The following TRHR variants were observed in gnomAD, a reference collection of about 807,000 sequenced individuals.
The protein encoded by TRHR is thyrotropin releasing hormone receptor.
In TRHR, 14 loss-of-function variants were observed where a neutral mutation model predicts 28.0. The observed-to-expected ratio is 0.50, with a 90% CI of 0.33 to 0.78. The LOEUF is 0.78. Among genes scored for constraint, TRHR ranks in the 30% least tolerant of loss-of-function variants. TRHR has a pLI of 0.02. For synonymous variants in TRHR, 176 were observed against 171.9 expected (o/e 1.02, Z -0.18); for missense variants, 438 against 469.5 (o/e 0.93, Z 0.62).
intron 2 of TRHR, among the ~76,000 whole-genome samples, chr8:109,111,811 A>T (rs1235743948): frequency 2.0e-5 from 3 of 152,194 alleles, no homozygotes; most frequent in Admixed American, 2.0e-4. Context: ...AATGAAGCCA[A>T]AAAAGGGTTT....
At chr8:109,094,682 T>C (rs7007111) in intron 2 of TRHR, among the ~76,000 whole-genome samples, 1 of 151,866 alleles carries the variant, frequency 6.6e-6, no homozygotes, top group Non-Finnish European at 1.5e-5. Flanking sequence ...AAGTACACAT[T>C]GTTTATTCCT....
intron 2 of TRHR, among the ~76,000 whole-genome samples, chr8:109,100,721 T>A (rs1254392617): frequency 6.6e-6 from 1 of 152,128 alleles, no homozygotes; most frequent in Non-Finnish European, 1.5e-5. Flanking sequence ...ACAAATGTTA[T>A]CATAGTAAAA....
At chr8:109,111,749 A>G (rs115668115) in intron 2 of TRHR, among the ~76,000 whole-genome samples, 1,535 of 152,206 alleles carry the variant, frequency 0.01, 26 homozygotes, top group African/African-American at 0.035. Context: ...ACTTCTCCCA[A>G]CCTTTTGTGC....
chr8:109,101,708 G>C (rs1469887204), intron 2 of TRHR, among the ~76,000 whole-genome samples: 1 of 152,096 alleles, frequency 6.6e-6, no homozygotes, highest in Non-Finnish European at 1.5e-5. Context: ...TGTTGTACTT[G>C]AAGCGTCTAT....
Position 109,087,590 on chromosome 8 carries a change from G to A in TRHR, c.78G>A (p.Val26=), listed in dbSNP as rs1436891272. The A allele has an allele frequency of 6.2e-7, 1 of 1,614,056 alleles. No homozygotes were observed. Among genetic ancestry groups the A allele is most frequent in the Middle Eastern group, 1.6e-4 (1 of 6,084 alleles). The change falls in exon 2 of 3, where the codon GTG becomes GTA. Residue 26 remains valine (V), a synonymous_variant. Coordinates refer to ENST00000518632, the MANE Select transcript of TRHR (RefSeq NM_003301.7). The part of the protein sequence containing the change: ...PRAVVALEYQ[V]VTILLVLIIC... Reference sequence around the variant, plus strand: ...CAGTGGTGGCCTTAGAATACCAGGTGGTCACCATCTTACTTGTACTCATTA... The same window carrying A: ...CAGTGGTGGCCTTAGAATACCAGGTAGTCACCATCTTACTTGTACTCATTA...
chr8:109,105,143 T>C (rs1405455200), intron 2 of TRHR, among the ~76,000 whole-genome samples: 1 of 152,150 alleles, frequency 6.6e-6, no homozygotes, highest in African/African-American at 2.4e-5. Context: ...CTCATTTGTA[T>C]CTATGACATA....
intron 2 of TRHR, among the ~76,000 whole-genome samples, chr8:109,111,659 C>T (rs951120259): frequency 2.6e-5 from 4 of 152,150 alleles, no homozygotes; most frequent in African/African-American, 7.2e-5. Flanking sequence ...TATATTTTAA[C>T]ATTTGTGAAA....
rs5785 is a variant in TRHR at position 109,121,316 on chromosome 8, G to A, written c.*1861G>A. ...CCCCAAATCACACAAGCACATGTGT[G>A]TTTATAAACACATACCCACATGTTC... On this transcript the variant is annotated 3_prime_UTR_variant, in exon 3 of 3. Coordinates refer to ENST00000518632, the MANE Select transcript of TRHR (RefSeq NM_003301.7). 3.2e-3 allele frequency among the ~76,000 whole-genome samples: 482 copies of A among 151,640 alleles called. 3 individuals are homozygous for A. The highest frequency in any genetic ancestry group is 0.011 in the African/African-American group (447 of 41,412).
chr8:109,111,830 T>C (rs893361056), intron 2 of TRHR, among the ~76,000 whole-genome samples: 1 of 152,198 alleles, frequency 6.6e-6, no homozygotes, highest in South Asian at 2.1e-4. Context: ...TTTGGCATTA[T>C]ACAAAGTGGG....
chr8:109,112,948 A>G (rs1304549817), intron 2 of TRHR, among the ~76,000 whole-genome samples: 2 of 152,108 alleles, frequency 1.3e-5, no homozygotes, highest in African/African-American at 2.4e-5. Flanking sequence ...CAATTACAAT[A>G]AAAGAACTTT....
chr8:109,110,884 G>A (rs981776800), intron 2 of TRHR, among the ~76,000 whole-genome samples: 6 of 152,220 alleles, frequency 3.9e-5, no homozygotes, highest in African/African-American at 1.4e-4. Flanking sequence ...AGTTGGGTGC[G>A]GTGGCTCACG....
intron 2 of TRHR, among the ~76,000 whole-genome samples, chr8:109,107,150 T>A (rs1811762862): frequency 6.6e-6 from 1 of 152,094 alleles, no homozygotes; most frequent in African/African-American, 2.4e-5. Flanking sequence ...TTCAATAAAG[T>A]CCCCGGTTCT....
intron 2 of TRHR, among the ~76,000 whole-genome samples, chr8:109,104,676 C>T (rs117009139): frequency 0.012 from 1,771 of 152,170 alleles, 16 homozygotes; most frequent in Middle Eastern, 0.031. Flanking sequence ...CATCCCAAGA[C>T]AAATTCTAAA....
intron 2 of TRHR, among the ~76,000 whole-genome samples, chr8:109,093,525 C>A (rs1811545313): frequency 6.7e-6 from 1 of 150,234 alleles, no homozygotes. Flanking sequence ...CCTGCCTCAG[C>A]CTCCCGAGTA....
At chr8:109,088,763 T>G (rs1811480193) in intron 2 of TRHR, among the ~76,000 whole-genome samples, 1 of 152,250 alleles carries the variant, frequency 6.6e-6, no homozygotes, top group African/African-American at 2.4e-5. Flanking sequence ...TTTGCCATTC[T>G]ATGGTTACTC....
At chr8:109,116,945 G>A (rs748053094) in intron 2 of TRHR, among the ~76,000 whole-genome samples, 12 of 151,994 alleles carry the variant, frequency 7.9e-5, no homozygotes, top group Non-Finnish European at 1.3e-4. Context: ...ATGCACAGGA[G>A]AGATACTAAC....
At chr8:109,098,377 C>T (rs1811626747) in intron 2 of TRHR, among the ~76,000 whole-genome samples, 1 of 151,924 alleles carries the variant, frequency 6.6e-6, no homozygotes. Context: ...AGGGATCCTC[C>T]TACCTTGCCC....
At chr8:109,102,577 ATTAATT>A (rs769995343) in intron 2 of TRHR, among the ~76,000 whole-genome samples, 28 of 152,252 alleles carry the variant, frequency 1.8e-4, no homozygotes, top group Non-Finnish European at 3.4e-4. Flanking sequence ...ATGGTTGCAG[ATTAATT>A]TTAAGTAATG....
chr8:109,117,239 T>C (rs1811935367), intron 2 of TRHR, among the ~76,000 whole-genome samples: 1 of 151,892 alleles, frequency 6.6e-6, no homozygotes, highest in Admixed American at 6.6e-5. Context: ...GGGCAAAGTA[T>C]ATAGGAAGGA....
Sources: gnomAD v4.1 joint callset for allele counts (sites outside exome capture counted in the v4.1 genomes callset) on GRCh38, gnomAD v4.1.1 for gene constraint, MANE v1.5 for transcripts, NCBI Gene and HGNC (gene_info 2026-07-23, HGNC 2026-07-21) for gene names.